AGAP3: variants seen among roughly 807,000 people sequenced by gnomAD.
AGAP3 encodes the protein ArfGAP with GTPase domain, ankyrin repeat and PH domain 3, also known as arf-GAP with GTPase, ANK repeat and PH domain-containing protein 3.
Under a neutral mutation model 96.9 loss-of-function variants are expected in AGAP3, and 24 were observed. The ratio of observed to expected loss-of-function variants is 0.25; its 90% CI spans 0.18 to 0.35. The LOEUF (loss-of-function observed/expected upper bound fraction) is 0.35, where lower values mean the gene tolerates loss of function less well. AGAP3 is among the 10% of genes least tolerant of loss of function. The pLI is 1.00. For synonymous variants in AGAP3, 563 were observed against 536.1 expected (o/e 1.05, Z -0.69); for missense variants, 876 against 1,254.2 (o/e 0.70, Z 4.55).
intron 1 of AGAP3, among the ~76,000 whole-genome samples, chr7:151,107,047 C>T (rs1297904169): frequency 4.6e-5 from 7 of 152,166 alleles, no homozygotes; most frequent in African/African-American, 9.7e-5. Flanking sequence ...TGGTGGCTCA[C>T]GCCTGTAATC....
At chr7:151,115,483 A>C in intron 1 of AGAP3, 1 of 1,011,436 alleles carries the variant, frequency 9.9e-7, no homozygotes, top group Non-Finnish European at 1.2e-6. Context: ...CTGGGCTCCG[A>C]CGCCCCGCGC....
At chr7:151,088,914 C>T (rs1380256751) in intron 1 of AGAP3, among the ~76,000 whole-genome samples, 1 of 152,142 alleles carries the variant, frequency 6.6e-6, no homozygotes, top group East Asian at 1.9e-4. Context: ...CCCATGGTTC[C>T]GTCTACTAGG....
intron 8 of AGAP3, chr7:151,123,518 G>A (rs890440357): frequency 4.8e-6 from 6 of 1,258,110 alleles, no homozygotes; most frequent in Non-Finnish European, 6.0e-6. Flanking sequence ...CCCCCGCCCC[G>A]GGCGTGCTCC....
At position 151,139,090 on chromosome 7, in the gene AGAP3, C is replaced by T. The variant is rs1303034680; in HGVS notation, c.1666+777C>T. Among the ~76,000 whole-genome samples the T allele has an allele frequency of 6.6e-6, 1 of 152,244 alleles. No individual in the cohort carries two copies. Among genetic ancestry groups the T allele is most frequent in the Non-Finnish European group, 1.5e-5 (1 of 68,050 alleles). On this transcript the variant is annotated intron_variant, in intron 12 of 17. Transcript: ENST00000397238. This position sits in a 1 kb window ranked among gnomAD's most constrained non-coding sequence, Gnocchi z 4.9. ...TGGAGCCAGCTCTCCTCTCCTGTCCCTTGCGCTTTCCATGCCCTTGTCCTG... is the reference window on the plus strand; with the variant it reads ...TGGAGCCAGCTCTCCTCTCCTGTCCTTTGCGCTTTCCATGCCCTTGTCCTG...
chr7:151,120,861 G>A, intron 8 of AGAP3: 2 of 1,147,724 alleles, frequency 1.7e-6, no homozygotes. Flanking sequence ...AGGCCCCAGG[G>A]CCTGCTGTCT....
At chr7:151,112,541 A>C (rs904576619) in intron 1 of AGAP3, among the ~76,000 whole-genome samples, 9 of 151,948 alleles carry the variant, frequency 5.9e-5, no homozygotes, top group African/African-American at 2.2e-4. Context: ...CCTGTCGGAT[A>C]CCGTGTCCCC....
chr7:151,112,396 C>CGT (rs71819427), intron 1 of AGAP3, among the ~76,000 whole-genome samples: 19,285 of 139,720 alleles, frequency 0.14, 1,387 homozygotes, highest in Middle Eastern at 0.19. Context: ...TTCCCCGAGA[C>CGT]GTGTGTGTGT....
At chr7:151,093,515 C>T (rs536668390) in intron 1 of AGAP3, among the ~76,000 whole-genome samples, 15 of 152,250 alleles carry the variant, frequency 9.9e-5, no homozygotes, top group Non-Finnish European at 2.1e-4. Flanking sequence ...TGTTACAAGC[C>T]ATTCAAATGT....
At chr7:151,127,973 C>T (rs545502866) in intron 9 of AGAP3, among the ~76,000 whole-genome samples, 66 of 152,348 alleles carry the variant, frequency 4.3e-4, no homozygotes, top group East Asian at 1.7e-3. Context: ...CCAGCCTCTG[C>T]GTTCAGCGAG....
In AGAP3 at chr7:151,117,786, G is replaced by A; in HGVS notation, c.706+9G>A. 6.2e-7 allele frequency: 1 copy of A among 1,609,160 alleles called. No individual in the cohort carries two copies. ...GCTTGTGGGCACGCAGGGTGAGGCG[G>A]GGCCCTGCAGGAGCTGGCAGAGAGC... is the stretch of plus-strand genomic sequence containing the variant. On this transcript the variant is annotated intron_variant, in intron 5 of 17. Transcript: ENST00000397238.
At chr7:151,098,346 G>T (rs2150416380) in intron 1 of AGAP3, among the ~76,000 whole-genome samples, 1 of 151,440 alleles carries the variant, frequency 6.6e-6, no homozygotes, top group African/African-American at 2.4e-5. Context: ...GCGACAGAGG[G>T]AGACCCTGGC....
chr7:151,107,823 C>T (rs1029774994), intron 1 of AGAP3, among the ~76,000 whole-genome samples: 1 of 152,102 alleles, frequency 6.6e-6, no homozygotes, highest in Non-Finnish European at 1.5e-5. Flanking sequence ...AAAGTGTAGG[C>T]GATGGGTCAG....
In AGAP3 at chr7:151,134,571, G is replaced by A. The variant is rs1314689050; in HGVS notation, c.1495+3G>A. Reference sequence around the variant, plus strand: ...CACACAGCTGGGTGGGGGCACAGGTGAGGCGGCTGCTGAGGTGGGGGCCTG... The same window carrying A: ...CACACAGCTGGGTGGGGGCACAGGTAAGGCGGCTGCTGAGGTGGGGGCCTG... On this transcript the variant is annotated splice_donor_region_variant and intron_variant, in intron 11 of 17. Coordinates refer to ENST00000397238, the MANE Select transcript of AGAP3 (RefSeq NM_031946.7). 1.9e-6 allele frequency: 3 copies of A among 1,601,862 alleles called. No homozygotes were observed. The highest frequency in any genetic ancestry group is 1.3e-5 in the African/African-American group (1 of 74,854).
Position 151,143,341 on chromosome 7 carries a change from A to G in AGAP3, c.2274A>G (p.Arg758=). 1 of 1,607,404 alleles carries G rather than the reference A, an allele frequency of 6.2e-7. No homozygotes were observed. The highest frequency in any genetic ancestry group is 1.3e-5 in the African/African-American group (1 of 74,876). Residue 758 remains arginine (R), a splice_region_variant and synonymous_variant, in exon 17 of 18, where the codon AGA becomes AGG. Transcript: ENST00000397238. This position sits in a 1 kb window ranked among gnomAD's most constrained non-coding sequence, Gnocchi z 5.9. ...TGCCCTGATGGGCCTGTGGTTGCAG[A>G]GAGGAGAAGGAACGCTGGATACGGG... ...GYSKPGPDAC[R]EEKERWIRAK...
At chr7:151,117,926 C>T (rs565143069) in intron 5 of AGAP3, 149 bp downstream of exon 5, 85 of 1,188,454 alleles carry the variant, frequency 7.2e-5, no homozygotes, top group East Asian at 4.4e-4. Flanking sequence ...CCGTGCTGCT[C>T]GTGTCTGAGG....
chr7:151,101,969 G>A (rs1258294950), intron 1 of AGAP3, among the ~76,000 whole-genome samples: 1 of 152,186 alleles, frequency 6.6e-6, no homozygotes, highest in Non-Finnish European at 1.5e-5. Context: ...GGTGCCATGA[G>A]CCCTTCCTTC....
intron 1 of AGAP3, among the ~76,000 whole-genome samples, chr7:151,090,985 C>G (rs1798375397): frequency 1.3e-5 from 2 of 152,212 alleles, no homozygotes; most frequent in South Asian, 4.1e-4. Context: ...GGCATACGCC[C>G]TGGCATCCCA....
chr7:151,123,139 C>T (rs867453565), intron 8 of AGAP3: 13 of 1,098,100 alleles, frequency 1.2e-5, no homozygotes, highest in Middle Eastern at 4.1e-4. Context: ...CCTGCCCCTC[C>T]CCTCCTCTGC....
chr7:151,103,254 G>A (rs1008706263), intron 1 of AGAP3, among the ~76,000 whole-genome samples: 2 of 152,190 alleles, frequency 1.3e-5, no homozygotes, highest in Non-Finnish European at 2.9e-5. Context: ...CATTCAAATC[G>A]TGGAGACAGG....
Sources: allele counts gnomAD v4.1 joint callset (sites outside exome capture counted in the v4.1 genomes callset), GRCh38; gene constraint gnomAD v4.1.1; non-coding constraint Gnocchi (gnomAD v3.1); transcripts MANE v1.5; gene names NCBI Gene and HGNC (gene_info 2026-07-23, HGNC 2026-07-21).